ANXA8: variants seen among roughly 807,000 people sequenced by gnomAD.
ANXA8 encodes VAC-beta.
In ANXA8, 9 loss-of-function variants were observed where a neutral mutation model predicts 26.8. The ratio of observed to expected loss-of-function variants is 0.34; its 90% CI spans 0.20 to 0.59. The LOEUF (loss-of-function observed/expected upper bound fraction) is 0.59, where lower values mean the gene tolerates loss of function less well. Among genes scored for constraint, ANXA8 ranks in the 20% least tolerant of loss-of-function variants. ANXA8 has a pLI of 0.84. For synonymous variants in ANXA8, 39 were observed against 94.8 expected (o/e 0.41, Z 3.42); for missense variants, 83 against 238.5 (o/e 0.35, Z 4.29).
At chr10:47,556,937 C>T in the ANXA8 span, among the ~76,000 whole-genome samples, 2 of 149,042 alleles carry the variant, frequency 1.3e-5, no homozygotes, top group Non-Finnish European at 3.0e-5. Context: ...ATGGTATTTG[C>T]CTACTTTATA....
chr10:47,950,052 TG>T, the ANXA8 span, among the ~76,000 whole-genome samples: 1 of 148,314 alleles, frequency 6.7e-6, no homozygotes, highest in Non-Finnish European at 1.5e-5. Flanking sequence ...AGTAAGAGGA[TG>T]GAAAAAAATA....
the ANXA8 span, among the ~76,000 whole-genome samples, chr10:47,937,826 A>G: frequency 6.8e-6 from 1 of 147,424 alleles, no homozygotes; most frequent in Non-Finnish European, 1.5e-5. Context: ...ATGTTCCTGT[A>G]AAGGACATGT....
chr10:47,600,341 C>A, the ANXA8 span, among the ~76,000 whole-genome samples: 1 of 150,162 alleles, frequency 6.7e-6, no homozygotes, highest in Non-Finnish European at 1.5e-5. Context: ...CAAGGTAGCT[C>A]CGCTCTCTGG....
chr10:47,973,717 A>C, the ANXA8 span, among the ~76,000 whole-genome samples: 9 of 151,122 alleles, frequency 6.0e-5, no homozygotes, highest in Admixed American at 6.0e-4. Context: ...GCTGCCACTC[A>C]GGGTGAGGCT....
chr10:47,708,455 T>C, the ANXA8 span, among the ~76,000 whole-genome samples: 2 of 143,314 alleles, frequency 1.4e-5, no homozygotes, highest in South Asian at 4.4e-4. Context: ...TTCTCACTTA[T>C]AAGTGGGAGC....
the ANXA8 span, among the ~76,000 whole-genome samples, chr10:47,607,384 G>A: frequency 6.8e-6 from 1 of 147,692 alleles, no homozygotes; most frequent in Non-Finnish European, 1.5e-5. Context: ...CTGTGTTTAG[G>A]TACAGTATCA....
chr10:47,689,853 T>A, the ANXA8 span: 1 of 1,158,158 alleles, frequency 8.6e-7, no homozygotes. Flanking sequence ...ATTCTTTATA[T>A]CTGAAGGATG....
chr10:47,770,919 CTCT>C, the ANXA8 span, among the ~76,000 whole-genome samples: 2 of 52,422 alleles, frequency 3.8e-5, no homozygotes, highest in African/African-American at 7.9e-5. Context: ...TGACTCCACC[CTCT>C]TCTTCTTCCA....
At chr10:47,666,448 G>T in the ANXA8 span, among the ~76,000 whole-genome samples, 55 of 151,676 alleles carry the variant, frequency 3.6e-4, no homozygotes, top group Middle Eastern at 3.4e-3. Flanking sequence ...AGAGAGGAAT[G>T]CTGTGGTTAT....
At chr10:47,672,900 C>G in the ANXA8 span, among the ~76,000 whole-genome samples, 1 of 151,374 alleles carries the variant, frequency 6.6e-6, no homozygotes, top group East Asian at 1.9e-4. Context: ...TTCTAAAAAC[C>G]CATCGAAGAG....
the ANXA8 span, among the ~76,000 whole-genome samples, chr10:47,733,189 CTTTCTTTCTTTCTTTCTTTCTT>C: frequency 1.7e-5 from 2 of 115,822 alleles, no homozygotes; most frequent in African/African-American, 5.9e-5. Flanking sequence ...TTCTTTCTTT[CTTTCTTTCTTTCTTTCTTTCTT>C]TCTTTCTTTC....
chr10:47,744,414 G>GGGGGGGGGTGGGGGGGGATGGGGGAA, the ANXA8 span, among the ~76,000 whole-genome samples: 2 of 42,962 alleles, frequency 4.7e-5, no homozygotes, highest in African/African-American at 1.9e-4. Flanking sequence ...CTCCTGGTGG[G>GGGGGGGGGTGGGGGGGGATGGGGGAA]GGGGGGGTTG....
At chr10:47,484,947 A>G (rs1427288102), upstream of ANXA8, among the ~76,000 whole-genome samples, 1,782 of 148,074 alleles carry the variant, frequency 0.012, 62 homozygotes, top group African/African-American at 0.041. Context: ...AGCCCATTTC[A>G]CCACGCTTCC....
chr10:47,484,966 A>G (rs1840005273), upstream of ANXA8, among the ~76,000 whole-genome samples: 2 of 148,368 alleles, frequency 1.3e-5, no homozygotes, highest in African/African-American at 4.9e-5. Context: ...CCCGGGATCC[A>G]CCCGCTCATC....
the ANXA8 span, among the ~76,000 whole-genome samples, chr10:47,613,014 T>A: frequency 3.9e-4 from 29 of 74,814 alleles, 14 homozygotes; most frequent in Non-Finnish European, 8.6e-4. Context: ...CTGTTTAGAT[T>A]CAGTATGTAT....
At chr10:47,704,071 G>C in the ANXA8 span, among the ~76,000 whole-genome samples, 1 of 141,172 alleles carries the variant, frequency 7.1e-6, no homozygotes, top group African/African-American at 2.5e-5. Flanking sequence ...TAAATGTGAG[G>C]TGGGATCTTG....
upstream of ANXA8, chr10:47,484,406 C>T (rs1226244481): frequency 1.8e-6 from 2 of 1,082,090 alleles, no homozygotes; most frequent in Admixed American, 2.2e-5. Context: ...TCCTAATAGC[C>T]ATGGAGTATG....
the ANXA8 span, among the ~76,000 whole-genome samples, chr10:47,672,360 A>G: frequency 6.6e-6 from 1 of 151,942 alleles, no homozygotes; most frequent in Non-Finnish European, 1.5e-5. Flanking sequence ...TTAAAGAATA[A>G]TATGTTGTCT....
the ANXA8 span, among the ~76,000 whole-genome samples, chr10:47,573,749 A>ATT: frequency 3.2e-5 from 3 of 93,714 alleles, no homozygotes; most frequent in African/African-American, 1.2e-4. Context: ...ACTTCATGAG[A>ATT]TTTTTTCTGT....
Sources: allele counts gnomAD v4.1 joint callset (sites outside exome capture counted in the v4.1 genomes callset), GRCh38; gene constraint gnomAD v4.1.1; transcripts MANE v1.5; gene names NCBI Gene and HGNC (gene_info 2026-07-23, HGNC 2026-07-21).